MYRF: variants seen among roughly 807,000 people sequenced by gnomAD.
MYRF encodes myelin regulatory factor.
Under a neutral mutation model 126.3 loss-of-function variants are expected in MYRF, and 16 were observed. The observed-to-expected ratio is 0.13, with a 90% CI of 0.09 to 0.19. MYRF has a LOEUF of 0.19. Among genes scored for constraint, MYRF ranks in the 10% least tolerant of loss-of-function variants. The pLI, the probability that MYRF is intolerant of heterozygous loss-of-function variation, is 1.00. For missense variants in MYRF, 1,104 were observed against 1,547.0 expected, an observed-to-expected ratio of 0.71 and a Z score of 4.80; for synonymous variants, 608 against 635.3, an observed-to-expected ratio of 0.96 and a Z score of 0.65.
chr11:61,755,313 G>A (rs1232320869), intron 1 of MYRF: 11 of 1,516,650 alleles, frequency 7.3e-6, no homozygotes, highest in African/African-American at 6.9e-5. Flanking sequence ...CGGCCCCCTC[G>A]AGGCTGGTAC....
intron 7 of MYRF, 124 bp from the exon 8 acceptor site, chr11:61,773,843 T>G: frequency 9.5e-6 from 7 of 736,170 alleles, no homozygotes; most frequent in Non-Finnish European, 1.3e-5. Context: ...GGCAGCCGCA[T>G]TGGTGGTTTG....
At chr11:61,754,768 T>A (rs1364431882) in intron 1 of MYRF, among the ~76,000 whole-genome samples, 1 of 150,460 alleles carries the variant, frequency 6.6e-6, no homozygotes, top group Non-Finnish European at 1.5e-5. Flanking sequence ...AGGGGAGGGG[T>A]GTGAGGCTGC....
At position 61,779,245 on chromosome 11, in the gene MYRF, G is replaced by A. The variant is rs2066475422; in HGVS notation, c.2014-18G>A. The A allele has an allele frequency of 5.2e-6, 8 of 1,537,708 alleles. No individual in the cohort carries two copies. The highest frequency in any genetic ancestry group is 7.0e-6 in the Non-Finnish European group (8 of 1,146,182). On this transcript the variant is annotated intron_variant, in intron 14 of 26. Transcript: ENST00000278836. The stretch of plus-strand genomic sequence containing the variant: ...CCTCTGTGTTGGCCCATGGCCCATG[G>A]CCCATGGCCCATGGCAGGAGCGCAT...
rs770955585 is a variant in MYRF, at chr11:61,783,588, G to A, written c.3107G>A (p.Gly1036Glu). The change falls in exon 23 of 27, where the codon GGG (glycine) becomes GAG (glutamate). Residue 1036 changes from glycine (G) to glutamate (E), a missense_variant. Gly to Glu is a moderately conservative substitution (Grantham distance 98). Around this residue, in one of 10 missense-constraint regions of MYRF, gnomAD observed 94 missense variants for 164.6 expected, o/e 0.57. Transcript: ENST00000278836. The surrounding 1 kb of genome is among the most constrained non-coding windows in gnomAD (Gnocchi z 4.6). ...MSITSQYCAP[G>E]DACRPGNFTY... is the part of the protein sequence containing the mutation. ...ATCACCTCCCAGTACTGTGCTCCAG[G>A]GGATGCCTGCAGGTGGGCTGGGCTC... 1 of 1,613,372 alleles carries A rather than the reference G, an allele frequency of 6.2e-7. No homozygotes were observed.
chr11:61,758,432 G>C (rs917355126), intron 1 of MYRF, among the ~76,000 whole-genome samples: 4 of 152,198 alleles, frequency 2.6e-5, no homozygotes, highest in Non-Finnish European at 4.4e-5. Context: ...AGTTCACTCA[G>C]TGGGGCCTGG....
chr11:61,754,649 G>C (rs538516554), intron 1 of MYRF, among the ~76,000 whole-genome samples: 5 of 152,338 alleles, frequency 3.3e-5, no homozygotes, highest in African/African-American at 4.8e-5. Context: ...CCATGGGTTG[G>C]GGGGTGGGGG....
chr11:61,784,132 T>C lies in MYRF; in HGVS notation c.3195-148T>C, dbSNP rs1288416184. Reference sequence around the variant, plus strand: ...GCTGAGGACCACATGGGATGGTCGATGGGAAAGGTTTTGTTCGAGGGCCCT... The same window carrying C: ...GCTGAGGACCACATGGGATGGTCGACGGGAAAGGTTTTGTTCGAGGGCCCT... On this transcript the variant is annotated intron_variant, in intron 24 of 26. Coordinates refer to ENST00000278836, the MANE Select transcript of MYRF (RefSeq NM_001127392.3). 6.2e-6 allele frequency: 6 copies of C among 961,756 alleles called. No homozygotes were observed. In the Admixed American group the frequency reaches 6.7e-5, roughly 11 times the overall value. 59.6% of individuals were successfully genotyped at this position (961,756 alleles called of 1,614,324 possible).
chr11:61,760,398 G>A (rs1395020179), intron 1 of MYRF, among the ~76,000 whole-genome samples: 1 of 152,194 alleles, frequency 6.6e-6, no homozygotes, highest in Non-Finnish European at 1.5e-5. Context: ...GATGGGGAGG[G>A]GCTGCCAGGG....
Position 61,778,028 on chromosome 11 carries a change from G to C in MYRF, c.1903+183G>C, listed in dbSNP as rs190310580. 2.0e-5 allele frequency among the ~76,000 whole-genome samples: 3 copies of C among 152,266 alleles called. No individual in the cohort carries two copies. Among genetic ancestry groups the C allele is most frequent in the African/African-American group, 4.8e-5 (2 of 41,550 alleles). ...GAAAATCGCACCTCTCCAGGTCCCC[G>C]GAACCTCGCCCCATTGTCAGTGGAA... On this transcript the variant is annotated intron_variant, in intron 13 of 26. Coordinates refer to ENST00000278836, the MANE Select transcript of MYRF (RefSeq NM_001127392.3). The surrounding 1 kb of genome is among the most constrained non-coding windows in gnomAD (Gnocchi z 4.6).
rs977181858 is a variant in MYRF, at chr11:61,771,967, A to G, written c.1115+15A>G. ...TACAAGGAGCTGTGAGTGCCCTACA[A>G]CACTCCCCACTCCTCCAGGCCCCCC... On this transcript the variant is annotated intron_variant, in intron 7 of 26. Transcript: ENST00000278836. 1 of 1,613,516 alleles carries G rather than the reference A, an allele frequency of 6.2e-7. No homozygotes were observed.
In MYRF at chr11:61,781,589, C is replaced by T; in HGVS notation, c.2781C>T (p.Ala927=). 6.2e-7 allele frequency: 1 copy of T among 1,613,728 alleles called. No individual in the cohort carries two copies. The highest frequency in any genetic ancestry group is 8.5e-7 in the Non-Finnish European group (1 of 1,179,952). The part of the protein sequence containing the change: ...STNRSGPSQM[A]LLPVTNIRAK... ...TATCCACAGGCCCCAGCCAGATGGC[C>T]CTTCTGCCAGTCACCAACATCAGAG... is the stretch of plus-strand genomic sequence containing the variant. Residue 927 remains alanine, a synonymous_variant, in exon 22 of 27, where the codon GCC becomes GCT. Coordinates refer to ENST00000278836, the MANE Select transcript of MYRF (RefSeq NM_001127392.3).
chr11:61,772,823 G>T (rs1591108538), intron 7 of MYRF, among the ~76,000 whole-genome samples: 1 of 152,230 alleles, frequency 6.6e-6, no homozygotes, highest in African/African-American at 2.4e-5. Context: ...AGCTCCAGGA[G>T]GGAAGAGGTG....
chr11:61,780,181 G>T (rs2066502164), intron 17 of MYRF, 41 bp from the exon 18 acceptor site: 6 of 1,607,490 alleles, frequency 3.7e-6, no homozygotes, highest in South Asian at 1.1e-5. Context: ...GCACTGGATG[G>T]TGGCTCCAGC....
At position 61,783,379 on chromosome 11, in the gene MYRF, A is replaced by G. The variant is rs1591132352; in HGVS notation, c.3017-119A>G. 2.5e-6 allele frequency: 2 copies of G among 789,570 alleles called. No individual in the cohort carries two copies. The highest frequency in any genetic ancestry group is 4.3e-6 in the Non-Finnish European group (2 of 466,732). 48.9% of individuals were successfully genotyped at this position (789,570 alleles called of 1,614,324 possible). ...TGCTGGCCATTGTGGAGGTCTGGAA[A>G]AAAATAACCTGGAACTTATTCATAC... On this transcript the variant is annotated intron_variant, in intron 22 of 26. Transcript: ENST00000278836. The surrounding 1 kb of genome is among the most constrained non-coding windows in gnomAD (Gnocchi z 4.6).
At chr11:61,770,967 T>G (rs756103788) in intron 5 of MYRF, among the ~76,000 whole-genome samples, 15 of 152,208 alleles carry the variant, frequency 9.9e-5, no homozygotes, top group Admixed American at 1.3e-4. Flanking sequence ...TTTCATCTGT[T>G]TTACATGTGG....
In MYRF at chr11:61,783,496, A is replaced by C. The variant is rs897175050; in HGVS notation, c.3017-2A>C. ...CTTGTCACCTTACTCCTGCCCCAAC[A>C]GCCTCTCTCCTTGCAGAGCCAGTGC... is the stretch of plus-strand genomic sequence containing the variant. On this transcript the variant is annotated splice_acceptor_variant, in intron 22 of 26. Transcript: ENST00000278836. LOFTEE classifies it high-confidence loss of function. This position sits in a 1 kb window ranked among gnomAD's most constrained non-coding sequence, Gnocchi z 4.6. 1 of 1,612,874 alleles carries C rather than the reference A, an allele frequency of 6.2e-7. No individual in the cohort carries two copies. The highest frequency in any genetic ancestry group is 8.5e-7 in the Non-Finnish European group (1 of 1,179,342).
Position 61,779,529 on chromosome 11 carries a change from A to C in MYRF, c.2206A>C (p.Ser736Arg). 2 of 1,510,336 alleles carry C rather than the reference A, an allele frequency of 1.3e-6. No individual in the cohort carries two copies. Among genetic ancestry groups the C allele is most frequent in the Non-Finnish European group, 1.8e-6 (2 of 1,128,398 alleles). 93.6% of individuals were successfully genotyped at this position (1,510,336 alleles called of 1,614,324 possible). ...HAGSQFSRAG[S>R]VPHKKRPPKV... ...AGGGAGCCAGTTCAGTCGGGCGGGC[A>C]GCGTCCCCCACAAGAAGAGGCCCCC... Residue 736 changes from serine (S) to arginine (R), a missense_variant, in exon 16 of 27, where the codon AGC (serine) becomes CGC (arginine). Ser to Arg is a moderately radical substitution (Grantham distance 110). Transcript: ENST00000278836.
chr11:61,778,555 C>A lies in MYRF; in HGVS notation c.2013+66C>A. 1 of 1,141,308 alleles carries A rather than the reference C, an allele frequency of 8.8e-7. No homozygotes were observed. The highest frequency in any genetic ancestry group is 1.3e-6 in the Non-Finnish European group (1 of 750,932). The allele number at this position is 1,141,308 out of a possible 1,614,324, so 70.7% of individuals were successfully genotyped here. On this transcript the variant is annotated intron_variant, in intron 14 of 26. Transcript: ENST00000278836. This position sits in a 1 kb window ranked among gnomAD's most constrained non-coding sequence, Gnocchi z 4.6. The stretch of plus-strand genomic sequence containing the variant: ...GGGGAGCCAGCTGGGGAACACTCAT[C>A]ACCTCCATAGATACTGGGGGCACTG...
chr11:61,780,826 C>A lies in MYRF; in HGVS notation c.2486+34C>A, dbSNP rs1175841389. 1.9e-6 allele frequency: 3 copies of A among 1,551,196 alleles called. No individual in the cohort carries two copies. In the South Asian group the frequency reaches 3.5e-5, roughly 18 times the overall value. On this transcript the variant is annotated intron_variant, in intron 19 of 26. Transcript: ENST00000278836. ...TGACCAGCGCCCCTCTCCTCTGGCTCCTGCTGCCCCTCTTCCTGCCTCCCT... is the reference window on the plus strand; with the variant it reads ...TGACCAGCGCCCCTCTCCTCTGGCTACTGCTGCCCCTCTTCCTGCCTCCCT...
Sources: gnomAD v4.1 joint callset for allele counts (sites outside exome capture counted in the v4.1 genomes callset) on GRCh38, gnomAD v4.1.1 for gene constraint, gnomAD v4.1.1 regional missense constraint, Gnocchi (gnomAD v3.1) non-coding constraint, MANE v1.5 for transcripts, NCBI Gene and HGNC (gene_info 2026-07-23, HGNC 2026-07-21) for gene names.